Variants in KCNH1 observed in about 807,000 individuals in gnomAD.
KCNH1 encodes potassium voltage-gated channel subfamily H member 1, also known as voltage-gated delayed rectifier potassium channel KCNH1.
Under a neutral mutation model 69.2 loss-of-function variants are expected in KCNH1, and 27 were observed. The ratio of observed to expected loss-of-function variants is 0.39; its 90% CI spans 0.29 to 0.54. The LOEUF (loss-of-function observed/expected upper bound fraction) is 0.54, where lower values mean the gene tolerates loss of function less well. Among genes scored for constraint, KCNH1 ranks in the 20% least tolerant of loss-of-function variants. The pLI is 0.68. For missense variants in KCNH1, 798 were observed against 1,261.6 expected (o/e 0.63, Z 5.57); for synonymous variants, 456 against 487.7 (o/e 0.93, Z 0.86).
At chr1:210,950,284 A>G in intron 6 of KCNH1, among the ~76,000 whole-genome samples, 1 of 149,384 alleles carries the variant, frequency 6.7e-6, no homozygotes, top group Non-Finnish European at 1.5e-5. Context: ...TTAGTTACAT[A>G]TGTATACATG....
chr1:210,683,937 G>C lies in KCNH1; in HGVS notation c.2314C>G (p.Leu772Val). ...DDLDVEKGNV[L>V]TEHASANHSL... is the part of the protein sequence containing the mutation. ...TGGTTGGCGGAGGCATGCTCTGTAA[G>C]GACATTGCCCTTCTCCACATCTAGG... The change falls in exon 11 of 11, where the codon CTT (leucine) becomes GTT (valine). Residue 772 changes from leucine (L) to valine (V), a missense_variant. Physicochemically the swap from Leu to Val is conservative, Grantham distance 32. Transcript: ENST00000271751. The surrounding 1 kb of genome is among the most constrained non-coding windows in gnomAD (Gnocchi z 5.7). 1 of 1,608,944 alleles carries C rather than the reference G, an allele frequency of 6.2e-7. No homozygotes were observed. Among genetic ancestry groups the C allele is most frequent in the South Asian group, 1.1e-5 (1 of 90,970 alleles).
chr1:210,882,911 T>C (rs1160518983), intron 7 of KCNH1, among the ~76,000 whole-genome samples: 5 of 152,130 alleles, frequency 3.3e-5, no homozygotes, highest in Admixed American at 3.3e-4. Flanking sequence ...TCTGCAAAAT[T>C]GAATCATTAA....
At chr1:210,964,295 C>T (rs1457446849) in intron 6 of KCNH1, among the ~76,000 whole-genome samples, 1 of 152,130 alleles carries the variant, frequency 6.6e-6, no homozygotes, top group Non-Finnish European at 1.5e-5. Context: ...AAGCACTAAA[C>T]ATGGAAAGGA....
chr1:210,714,351 T>C lies in KCNH1; in HGVS notation c.2113-30213A>G, dbSNP rs1403740668. Among the ~76,000 whole-genome samples, 3 of 152,212 alleles carry C rather than the reference T, an allele frequency of 2.0e-5. No individual in the cohort carries two copies. In the South Asian group the frequency reaches 6.2e-4, roughly 32 times the overall value. On this transcript the variant is annotated intron_variant, in intron 10 of 10. Transcript: ENST00000271751. Reference sequence around the variant, plus strand: ...TAGACAAAAGGGTTTATAATGATACTTGGTTTGGGATAGGTGCTCATGAAA... The same window carrying C: ...TAGACAAAAGGGTTTATAATGATACCTGGTTTGGGATAGGTGCTCATGAAA...
intron 9 of KCNH1, among the ~76,000 whole-genome samples, chr1:210,795,765 A>G (rs777159876): frequency 1.3e-5 from 2 of 152,184 alleles, no homozygotes; most frequent in Non-Finnish European, 2.9e-5. Context: ...TTTGTAAAAG[A>G]TAAAACACAT....
intron 10 of KCNH1, among the ~76,000 whole-genome samples, chr1:210,749,952 A>G (rs1187261933): frequency 6.6e-6 from 1 of 152,142 alleles, no homozygotes; most frequent in Non-Finnish European, 1.5e-5. Flanking sequence ...CATGCTGGCC[A>G]GGCTGGTCTC....
chr1:211,070,430 A>AAC lies in KCNH1; in HGVS notation c.558+12348_558+12349dup, dbSNP rs57063242. Among the ~76,000 whole-genome samples the AAC allele has an allele frequency of 8.6e-3, 1,186 of 137,144 alleles. 7 individuals carry two copies. The highest frequency in any genetic ancestry group is 0.021 in the African/African-American group (756 of 36,058). The allele number at this position is 137,144 out of a possible 152,430, so 90.0% of individuals were successfully genotyped here. On this transcript the variant is annotated intron_variant, in intron 5 of 10. Transcript: ENST00000271751. ...GAGACTCCACCTTTAAAAAAAAAAA[A>AAC]ACACACACACACACACACACACACA... is the stretch of plus-strand genomic sequence containing the variant.
intron 6 of KCNH1, among the ~76,000 whole-genome samples, chr1:210,958,396 C>T (rs532154850): frequency 6.6e-6 from 1 of 152,222 alleles, no homozygotes; most frequent in South Asian, 2.1e-4. Context: ...CTTGGGGTTG[C>T]TCTTCTCAAA....
At chr1:210,845,767 T>C (rs1346336750) in intron 7 of KCNH1, among the ~76,000 whole-genome samples, 1 of 152,052 alleles carries the variant, frequency 6.6e-6, no homozygotes, top group South Asian at 2.1e-4. Flanking sequence ...GGTATTCAAT[T>C]AGGAAAAGAG....
chr1:210,719,882 A>T (rs1421476086), intron 10 of KCNH1, among the ~76,000 whole-genome samples: 1 of 152,196 alleles, frequency 6.6e-6, no homozygotes, highest in Non-Finnish European at 1.5e-5. Flanking sequence ...ATCAAGTGAG[A>T]CAAAGAGGTT....
intron 5 of KCNH1, among the ~76,000 whole-genome samples, chr1:211,065,411 T>C (rs957187020): frequency 4.6e-5 from 7 of 152,178 alleles, no homozygotes; most frequent in African/African-American, 1.7e-4. Flanking sequence ...ATGATCTCGC[T>C]TGTATGTGGA....
intron 7 of KCNH1, among the ~76,000 whole-genome samples, chr1:210,822,898 C>A (rs1271800527): frequency 6.6e-6 from 1 of 152,164 alleles, no homozygotes; most frequent in Non-Finnish European, 1.5e-5. Context: ...TGCAAACATG[C>A]CTTATTCCCC....
At chr1:210,789,771 A>T (rs1173787179) in intron 9 of KCNH1, among the ~76,000 whole-genome samples, 1 of 152,252 alleles carries the variant, frequency 6.6e-6, no homozygotes, top group Non-Finnish European at 1.5e-5. Context: ...TTATCTATGA[A>T]TCAATGTTTT....
intron 7 of KCNH1, among the ~76,000 whole-genome samples, chr1:210,808,391 A>G (rs914322325): frequency 6.6e-6 from 1 of 152,172 alleles, no homozygotes; most frequent in Non-Finnish European, 1.5e-5. Flanking sequence ...ATGGACAACC[A>G]TCATTTACAG....
chr1:211,067,053 T>C (rs1690545015), intron 5 of KCNH1, among the ~76,000 whole-genome samples: 1 of 152,132 alleles, frequency 6.6e-6, no homozygotes, highest in African/African-American at 2.4e-5. Context: ...CCCTTCCACA[T>C]CTTCCCCGCA....
rs187462939 is a variant in KCNH1 at position 211,039,928 on chromosome 1, G to A, written c.559-20672C>T. ...TTCAGGGCTGGGTGCGGTGGCTCACGCCTGTAATCCCAGCACTTTGGGAGG... is the reference window on the plus strand; with the variant it reads ...TTCAGGGCTGGGTGCGGTGGCTCACACCTGTAATCCCAGCACTTTGGGAGG... On this transcript the variant is annotated intron_variant, in intron 5 of 10. Coordinates refer to ENST00000271751, the MANE Select transcript of KCNH1 (RefSeq NM_172362.3). Among the ~76,000 whole-genome samples, 18 of 152,260 alleles carry A rather than the reference G, an allele frequency of 1.2e-4. No homozygotes were observed. The East Asian group carries it at 3.1e-3, about 26-fold the overall frequency.
At chr1:210,872,791 A>G (rs980937808) in intron 7 of KCNH1, among the ~76,000 whole-genome samples, 6 of 152,140 alleles carry the variant, frequency 3.9e-5, no homozygotes, top group East Asian at 1.9e-4. Flanking sequence ...CCATGATCCA[A>G]TCACCTCCCA....
intron 5 of KCNH1, among the ~76,000 whole-genome samples, chr1:211,082,033 C>T (rs952124772): frequency 6.6e-6 from 1 of 152,048 alleles, no homozygotes; most frequent in African/African-American, 2.4e-5. Flanking sequence ...CCATCAAAGG[C>T]AGATAATGAC....
chr1:211,013,186 A>C (rs1308334968), intron 6 of KCNH1, among the ~76,000 whole-genome samples: 1 of 152,234 alleles, frequency 6.6e-6, no homozygotes, highest in Admixed American at 6.5e-5. Context: ...ATAAGTTAAC[A>C]GGATAAGTAA....
Sources: gnomAD v4.1 joint callset for allele counts (sites outside exome capture counted in the v4.1 genomes callset) on GRCh38, gnomAD v4.1.1 for gene constraint, Gnocchi (gnomAD v3.1) non-coding constraint, MANE v1.5 for transcripts, NCBI Gene and HGNC (gene_info 2026-07-23, HGNC 2026-07-21) for gene names.